The following EIPR1 variants were observed in gnomAD, a reference collection of about 807,000 sequenced individuals.
EIPR1 encodes EARP and GARP complex-interacting protein 1.
Under a neutral mutation model 48.1 loss-of-function variants are expected in EIPR1, and 25 were observed. The observed-to-expected ratio is 0.52, with a 90% confidence interval of 0.38 to 0.73. The LOEUF is 0.73. Among genes scored for constraint, EIPR1 ranks in the 30% least tolerant of loss-of-function variants. The probability of loss-of-function intolerance (pLI) is 0.00; values close to 1 mark genes in which losing one functional copy is unlikely to be tolerated. For synonymous variants in EIPR1, 204 were observed against 201.9 expected (o/e 1.01, Z -0.09); for missense variants, 415 against 506.2 (o/e 0.82, Z 1.73).
chr2:3,360,160 T>A (rs1670818176), intron 1 of EIPR1, among the ~76,000 whole-genome samples: 1 of 151,992 alleles, frequency 6.6e-6, no homozygotes, highest in African/African-American at 2.4e-5. Context: ...TCCCAACACT[T>A]TGGGAGGCCG....
chr2:3,219,480 C>T (rs1193466989), intron 4 of EIPR1, among the ~76,000 whole-genome samples: 3 of 149,738 alleles, frequency 2.0e-5, no homozygotes, highest in Admixed American at 1.3e-4. Context: ...AGGTGCACAC[C>T]CAATACAGCC....
chr2:3,310,067 A>G (rs563447369), intron 3 of EIPR1, among the ~76,000 whole-genome samples: 2 of 152,292 alleles, frequency 1.3e-5, no homozygotes, highest in East Asian at 3.9e-4. Flanking sequence ...ACAAGCAAGA[A>G]CAGCCCCTGA....
At chr2:3,259,149 A>G (rs567406840) in intron 3 of EIPR1, among the ~76,000 whole-genome samples, 3 of 152,314 alleles carry the variant, frequency 2.0e-5, no homozygotes, top group Non-Finnish European at 4.4e-5. Flanking sequence ...ATACATGTCT[A>G]ATCTTACAAG....
intron 4 of EIPR1, among the ~76,000 whole-genome samples, chr2:3,254,638 A>G (rs1341285863): frequency 6.6e-6 from 1 of 152,206 alleles, no homozygotes; most frequent in African/African-American, 2.4e-5. Flanking sequence ...CATTTATAGA[A>G]CCTTCTCCAA....
chr2:3,190,765 C>T (rs778554812), intron 8 of EIPR1, among the ~76,000 whole-genome samples: 18 of 152,010 alleles, frequency 1.2e-4, no homozygotes, highest in African/African-American at 3.4e-4. Context: ...TGCTACCGTG[C>T]GTGTGCTTAA....
At chr2:3,311,781 T>TG (rs1406132014) in intron 3 of EIPR1, among the ~76,000 whole-genome samples, 1 of 45,714 alleles carries the variant, frequency 2.2e-5, no homozygotes. Context: ...GATGCTGTGG[T>TG]GGGGGGCTCC....
chr2:3,220,464 C>G (rs1558232409), intron 4 of EIPR1, among the ~76,000 whole-genome samples: 1 of 152,014 alleles, frequency 6.6e-6, no homozygotes, highest in Admixed American at 6.6e-5. Flanking sequence ...ATAAGTGAGT[C>G]AGGTGCACAT....
intron 3 of EIPR1, among the ~76,000 whole-genome samples, chr2:3,322,010 G>A (rs763432014): frequency 2.6e-5 from 4 of 152,330 alleles, no homozygotes; most frequent in East Asian, 1.9e-4. Flanking sequence ...CATCTTATCC[G>A]AGGGATCGGT....
At chr2:3,194,280 G>C in intron 6 of EIPR1, 114 bp from the exon 7 acceptor site, 1 of 1,363,102 alleles carries the variant, frequency 7.3e-7, no homozygotes, top group Non-Finnish European at 1.0e-6. Flanking sequence ...CCGGCCCAGG[G>C]TGCTCTCATC....
chr2:3,238,270 C>T (rs1313748653), intron 4 of EIPR1, among the ~76,000 whole-genome samples: 1 of 152,180 alleles, frequency 6.6e-6, no homozygotes, highest in Non-Finnish European at 1.5e-5. Flanking sequence ...ACCGGAGTCA[C>T]CAACACGGCT....
intron 3 of EIPR1, among the ~76,000 whole-genome samples, chr2:3,297,429 G>C (rs1668635666): frequency 6.6e-6 from 1 of 152,224 alleles, no homozygotes; most frequent in African/African-American, 2.4e-5. Context: ...TGCCCTAACA[G>C]TTAAATAAGG....
At chr2:3,227,644 T>C (rs774895090) in intron 4 of EIPR1, among the ~76,000 whole-genome samples, 13 of 152,336 alleles carry the variant, frequency 8.5e-5, no homozygotes, top group Non-Finnish European at 1.6e-4. Context: ...CTCCAGGGCA[T>C]GTCAGAGACC....
intron 4 of EIPR1, among the ~76,000 whole-genome samples, chr2:3,226,210 CT>C (rs1209914320): frequency 6.6e-6 from 1 of 152,204 alleles, no homozygotes; most frequent in Non-Finnish European, 1.5e-5. Context: ...AACCTCCAAA[CT>C]GTTTTCCATT....
chr2:3,332,903 T>G (rs1412236214), intron 3 of EIPR1, among the ~76,000 whole-genome samples: 1 of 152,238 alleles, frequency 6.6e-6, no homozygotes, highest in Non-Finnish European at 1.5e-5. Flanking sequence ...CACTTGTTCC[T>G]TGCATGAATA....
At chr2:3,255,476 C>T (rs1344494700) in intron 4 of EIPR1, among the ~76,000 whole-genome samples, 5 of 152,234 alleles carry the variant, frequency 3.3e-5, no homozygotes, top group African/African-American at 4.8e-5. Flanking sequence ...AGCCACTGCA[C>T]CCCACCTTCA....
intron 3 of EIPR1, among the ~76,000 whole-genome samples, chr2:3,297,820 C>T (rs528345104): frequency 2.3e-4 from 35 of 152,140 alleles, no homozygotes; most frequent in South Asian, 8.3e-4. Context: ...TGTCTTGCTT[C>T]TTTTTTTGTT....
At chr2:3,264,616 G>A (rs1372066813) in intron 3 of EIPR1, among the ~76,000 whole-genome samples, 2 of 152,210 alleles carry the variant, frequency 1.3e-5, no homozygotes, top group Non-Finnish European at 2.9e-5. Flanking sequence ...AGCCACGTGC[G>A]AGTTCACATG....
intron 2 of EIPR1, among the ~76,000 whole-genome samples, chr2:3,348,163 C>T (rs544011575): frequency 6.6e-6 from 1 of 152,290 alleles, no homozygotes; most frequent in African/African-American, 2.4e-5. Context: ...GATGCAGAAC[C>T]GCGCAGCTTA....
intron 3 of EIPR1, among the ~76,000 whole-genome samples, chr2:3,320,948 T>C (rs1380889227): frequency 3.3e-5 from 5 of 152,170 alleles, no homozygotes; most frequent in Non-Finnish European, 7.3e-5. Context: ...AAAATAAGCT[T>C]AAAATAAAAT....
Sources: allele counts gnomAD v4.1 joint callset (sites outside exome capture counted in the v4.1 genomes callset), GRCh38; gene constraint gnomAD v4.1.1; transcripts MANE v1.5; gene names NCBI Gene and HGNC (gene_info 2026-07-23, HGNC 2026-07-21).